The following NBEAL1 variants were observed in gnomAD, a reference collection of about 807,000 sequenced individuals.
NBEAL1 encodes neurobeachin-like protein 1.
In NBEAL1, 273 loss-of-function variants were observed where a neutral mutation model predicts 351.3. The ratio of observed to expected loss-of-function variants is 0.78; its 90% CI spans 0.70 to 0.86. NBEAL1 has a LOEUF of 0.86. Ranked by LOEUF, NBEAL1 falls within the 40% of genes least tolerant of loss-of-function variation. NBEAL1 has a pLI of 0.00. For missense variants in NBEAL1, 2,961 were observed against 3,201.3 expected (o/e 0.92, Z 1.81); for synonymous variants, 1,050 against 1,086.4 (o/e 0.97, Z 0.66).
rs2063183506 is a variant in NBEAL1, at chr2:203,135,658, A to G, written c.3814-19A>G. 1.4e-6 allele frequency: 2 copies of G among 1,445,356 alleles called. No individual in the cohort carries two copies. The allele number at this position is 1,445,356 out of a possible 1,614,324, so 89.5% of individuals were successfully genotyped here. On this transcript the variant is annotated intron_variant, in intron 27 of 55. Coordinates refer to ENST00000683969, the MANE Select transcript of NBEAL1 (RefSeq NM_001378026.1). The stretch of plus-strand genomic sequence containing the variant: ...CTATGTACTTTTTGAAGAATTTTGT[A>G]TTCTAAATCTTTTTACAGGTTTTGC...
intron 7 of NBEAL1, among the ~76,000 whole-genome samples, chr2:203,069,084 A>G (rs926257526): frequency 2.6e-5 from 4 of 152,200 alleles, no homozygotes; most frequent in African/African-American, 9.6e-5. Flanking sequence ...GAAACTTGAG[A>G]GAGTTAGCCC....
At chr2:203,214,289 T>C (rs2065862610) in intron 55 of NBEAL1, among the ~76,000 whole-genome samples, 1 of 152,260 alleles carries the variant, frequency 6.6e-6, no homozygotes, top group Non-Finnish European at 1.5e-5. Flanking sequence ...TCACTGTTGG[T>C]ATTTTCTGAG....
chr2:203,225,004 T>C lies in NBEAL1; in HGVS notation c.*7650T>C, dbSNP rs1202968224. Among the ~76,000 whole-genome samples the C allele has an allele frequency of 6.6e-6, 1 of 152,220 alleles. No homozygotes were observed. Among genetic ancestry groups the C allele is most frequent in the Non-Finnish European group, 1.5e-5 (1 of 68,016 alleles). On this transcript the variant is annotated 3_prime_UTR_variant, in exon 56 of 56. Coordinates refer to ENST00000683969, the MANE Select transcript of NBEAL1 (RefSeq NM_001378026.1). ...TTTTAAAAAATTCATTGTGTGTATATGAGCTAATACTTGATTTGTTTCTGT... is the reference window on the plus strand; with the variant it reads ...TTTTAAAAAATTCATTGTGTGTATACGAGCTAATACTTGATTTGTTTCTGT...
intron 3 of NBEAL1, 103 bp from the exon 4 acceptor site, chr2:203,049,711 G>A (rs1254834551): frequency 1.0e-6 from 1 of 975,828 alleles, no homozygotes; most frequent in Non-Finnish European, 1.5e-6. Context: ...ATAAATAAAA[G>A]AGCTTCTTTA....
At chr2:203,207,394 AC>A (rs1241418415) in intron 51 of NBEAL1, among the ~76,000 whole-genome samples, 1 of 151,296 alleles carries the variant, frequency 6.6e-6, no homozygotes, top group African/African-American at 2.4e-5. Context: ...CCCGGCCACC[AC>A]CCCGTCTGGG....
intron 43 of NBEAL1, chr2:203,181,770 A>G (rs2064725357): frequency 6.6e-6 from 1 of 152,216 alleles, no homozygotes; most frequent in Non-Finnish European, 1.5e-5. Flanking sequence ...AGGGCATCAC[A>G]GTAAGGCAGT....
chr2:203,114,022 C>T (rs1289239397), intron 17 of NBEAL1, among the ~76,000 whole-genome samples: 14 of 152,176 alleles, frequency 9.2e-5, no homozygotes, highest in Non-Finnish European at 1.6e-4. Flanking sequence ...GAGGGTTTAA[C>T]GGTGTTAGCC....
At chr2:203,102,188 A>G (rs2062341157) in intron 12 of NBEAL1, among the ~76,000 whole-genome samples, 1 of 152,214 alleles carries the variant, frequency 6.6e-6, no homozygotes, top group Non-Finnish European at 1.5e-5. Context: ...CAAGTAGTTT[A>G]TTAGATCAAG....
At position 203,110,208 on chromosome 2, in the gene NBEAL1, G is replaced by A; in HGVS notation, c.2008G>A (p.Val670Ile). 1 of 1,553,636 alleles carries A rather than the reference G, an allele frequency of 6.4e-7. No individual in the cohort carries two copies. The highest frequency in any genetic ancestry group is 8.7e-7 in the Non-Finnish European group (1 of 1,147,466). Residue 670 changes from valine (V) to isoleucine (I), a missense_variant, in exon 15 of 56, where the codon GTC becomes ATC. Coordinates refer to ENST00000683969, the MANE Select transcript of NBEAL1 (RefSeq NM_001378026.1). ...EAFITHSGML[V>I]VAVCTKREYA... Reference sequence around the variant, plus strand: ...CTTTATTACCCATTCAGGTATGTTGGTCGTGGCAGTGTGCACAAAAAGAGA... The same window carrying A: ...CTTTATTACCCATTCAGGTATGTTGATCGTGGCAGTGTGCACAAAAAGAGA...
At chr2:203,066,112 A>G (rs1450759774) in intron 6 of NBEAL1, among the ~76,000 whole-genome samples, 1 of 152,206 alleles carries the variant, frequency 6.6e-6, no homozygotes, top group Non-Finnish European at 1.5e-5. Context: ...CATATGTTAC[A>G]TCTAATACAG....
intron 31 of NBEAL1, among the ~76,000 whole-genome samples, chr2:203,141,643 A>G (rs1575034002): frequency 6.6e-6 from 1 of 151,676 alleles, no homozygotes; most frequent in African/African-American, 2.4e-5. Flanking sequence ...TCATCCTCCC[A>G]AAGTTCTGGA....
chr2:203,056,269 G>A (rs2061399965), intron 4 of NBEAL1, among the ~76,000 whole-genome samples, 158 bp from the exon 5 acceptor site: 1 of 152,138 alleles, frequency 6.6e-6, no homozygotes, highest in South Asian at 2.1e-4. Context: ...CACAGTTGGT[G>A]GGAAAGCAGT....
intron 42 of NBEAL1, among the ~76,000 whole-genome samples, chr2:203,176,353 C>T (rs1020365863): frequency 1.3e-5 from 2 of 151,716 alleles, no homozygotes; most frequent in Admixed American, 6.6e-5. Flanking sequence ...TGGTCTTGAA[C>T]TCCTGATGTT....
intron 22 of NBEAL1, 45 bp downstream of exon 22, chr2:203,126,761 A>G: frequency 6.6e-7 from 1 of 1,520,488 alleles, no homozygotes; most frequent in Non-Finnish European, 8.8e-7. Context: ...TGTTTTAGAA[A>G]TTTATAACTA....
chr2:203,053,470 C>T (rs1199750658), intron 4 of NBEAL1, among the ~76,000 whole-genome samples: 2 of 151,926 alleles, frequency 1.3e-5, no homozygotes, highest in East Asian at 1.9e-4. Context: ...AGATGTAATT[C>T]CTTTATCAGG....
intron 3 of NBEAL1, among the ~76,000 whole-genome samples, chr2:203,047,891 T>C (rs1310778945): frequency 6.6e-6 from 1 of 151,950 alleles, no homozygotes; most frequent in Non-Finnish European, 1.5e-5. Context: ...CACAGACATA[T>C]ACCACTATAC....
chr2:203,125,821 C>G, intron 20 of NBEAL1, 139 bp from the exon 21 acceptor site: 1 of 691,448 alleles, frequency 1.4e-6, no homozygotes, highest in South Asian at 2.7e-5. Context: ...TTTTCTGATT[C>G]TATTGTACAA....
intron 36 of NBEAL1, among the ~76,000 whole-genome samples, chr2:203,158,167 G>C (rs1341339476): frequency 6.6e-6 from 1 of 152,050 alleles, no homozygotes; most frequent in Middle Eastern, 3.2e-3. Flanking sequence ...TAAAGACAAA[G>C]CAGAAATTCA....
At chr2:203,129,973 G>A (rs902970881) in intron 24 of NBEAL1, among the ~76,000 whole-genome samples, 12 of 152,170 alleles carry the variant, frequency 7.9e-5, no homozygotes, top group African/African-American at 2.9e-4. Context: ...ACTAGCCTGG[G>A]CGGCATGACG....
Sources: allele counts gnomAD v4.1 joint callset (sites outside exome capture counted in the v4.1 genomes callset), GRCh38; gene constraint gnomAD v4.1.1; transcripts MANE v1.5; gene names NCBI Gene and HGNC (gene_info 2026-07-23, HGNC 2026-07-21).